GRM3: variants seen among roughly 807,000 people sequenced by gnomAD.
GRM3 encodes metabotropic glutamate receptor 3.
A neutral mutation model predicts 70.5 loss-of-function variants in GRM3; 26 were observed. The observed-to-expected ratio is 0.37, with a 90% CI of 0.27 to 0.51. The LOEUF (loss-of-function observed/expected upper bound fraction) is 0.51. GRM3 is among the 20% of genes least tolerant of loss of function. The probability of loss-of-function intolerance (pLI) is 0.93; values close to 1 mark genes in which losing one functional copy is unlikely to be tolerated. For synonymous variants in GRM3, 443 were observed against 434.9 expected (o/e 1.02, Z -0.23); for missense variants, 859 against 1,123.8 (o/e 0.76, Z 3.37).
intron 2 of GRM3, among the ~76,000 whole-genome samples, chr7:86,782,329 GTTT>G (rs61140551): frequency 1.4e-5 from 2 of 141,732 alleles, no homozygotes; most frequent in East Asian, 2.0e-4. Flanking sequence ...TTATGGGGTG[GTTT>G]TTTTTTTTTG....
chr7:86,850,664 A>G (rs1158595350), intron 5 of GRM3, 120 bp downstream of exon 5: 1 of 724,068 alleles, frequency 1.4e-6, no homozygotes, highest in South Asian at 1.7e-5. Flanking sequence ...TTTACTAAGT[A>G]TGGATTTAAA....
At chr7:86,824,827 C>CAGAT (rs34299581) in intron 3 of GRM3, among the ~76,000 whole-genome samples, 17,956 of 151,834 alleles carry the variant, frequency 0.12, 1,218 homozygotes, top group Middle Eastern at 0.17. Context: ...CATATATATA[C>CAGAT]AGATAGATAG....
chr7:86,755,175 G>A (rs540573443), intron 1 of GRM3, among the ~76,000 whole-genome samples: 1 of 151,778 alleles, frequency 6.6e-6, no homozygotes, highest in African/African-American at 2.4e-5. Flanking sequence ...GTTCCCGAAG[G>A]AAAACTGTGG....
At chr7:86,851,792 C>T (rs867306917) in intron 5 of GRM3, among the ~76,000 whole-genome samples, 3 of 152,104 alleles carry the variant, frequency 2.0e-5, no homozygotes, top group Non-Finnish European at 4.4e-5. Context: ...CATGGCAAAG[C>T]CTGTGAGGTC....
At chr7:86,813,170 C>G (rs1047029063) in intron 3 of GRM3, among the ~76,000 whole-genome samples, 1 of 151,620 alleles carries the variant, frequency 6.6e-6, no homozygotes, top group African/African-American at 2.4e-5. Flanking sequence ...TACCCATCAG[C>G]TAAATGCGCA....
chr7:86,839,288 T>A lies in GRM3; in HGVS notation c.1774T>A (p.Cys592Ser), dbSNP rs1798516507. 1 of 1,613,486 alleles carries A rather than the reference T, an allele frequency of 6.2e-7. No individual in the cohort carries two copies. The highest frequency in any genetic ancestry group is 1.1e-5 in the South Asian group (1 of 91,080). Residue 592 changes from cysteine to serine, a missense_variant, in exon 4 of 6, where the codon TGC becomes AGC. Transcript: ENST00000361669. This position sits in a 1 kb window ranked among gnomAD's most constrained non-coding sequence, Gnocchi z 4.5. Reference protein sequence around the residue: ...TIACLGFMCTCMVVTVFIKHN... With the variant: ...TIACLGFMCTSMVVTVFIKHN... ...TGCCTGTCTGGGTTTTATGTGTACA[T>A]GCATGGTTGTAACTGTTTTTATCAA...
intron 3 of GRM3, among the ~76,000 whole-genome samples, chr7:86,810,501 G>A (rs1418480357): frequency 6.6e-6 from 1 of 151,882 alleles, no homozygotes; most frequent in Non-Finnish European, 1.5e-5. Flanking sequence ...ATCTTATGTG[G>A]TTCCTCCAAA....
At chr7:86,771,754 G>A (rs1796747676) in intron 2 of GRM3, among the ~76,000 whole-genome samples, 1 of 152,030 alleles carries the variant, frequency 6.6e-6, no homozygotes, top group Non-Finnish European at 1.5e-5. Flanking sequence ...TAAGTACAGG[G>A]AGATCAGAAA....
chr7:86,674,900 C>T (rs771768437), intron 1 of GRM3, among the ~76,000 whole-genome samples: 7 of 151,988 alleles, frequency 4.6e-5, no homozygotes, highest in Non-Finnish European at 8.8e-5. Context: ...CTATTAAGTC[C>T]CAATGCATTT....
At chr7:86,808,745 GA>G (rs1215392903) in intron 3 of GRM3, among the ~76,000 whole-genome samples, 1 of 152,046 alleles carries the variant, frequency 6.6e-6, no homozygotes, top group Non-Finnish European at 1.5e-5. Flanking sequence ...AGAGGTGAGG[GA>G]GCAACCCATG....
chr7:86,711,404 A>C (rs1795197058), intron 1 of GRM3, among the ~76,000 whole-genome samples: 1 of 152,096 alleles, frequency 6.6e-6, no homozygotes, highest in Non-Finnish European at 1.5e-5. Context: ...AAATATTTCC[A>C]CAATATTATT....
intron 3 of GRM3, among the ~76,000 whole-genome samples, chr7:86,796,955 C>G (rs1424573866): frequency 2.6e-5 from 4 of 152,206 alleles, no homozygotes; most frequent in African/African-American, 7.2e-5. Context: ...TGAATGTTCT[C>G]TTGCCTGCTG....
intron 5 of GRM3, among the ~76,000 whole-genome samples, chr7:86,851,793 C>G (rs1279116682): frequency 4.6e-5 from 7 of 152,020 alleles, no homozygotes; most frequent in African/African-American, 1.7e-4. Context: ...ATGGCAAAGC[C>G]TGTGAGGTCG....
intron 1 of GRM3, among the ~76,000 whole-genome samples, chr7:86,735,492 G>A (rs1795837551): frequency 2.0e-5 from 3 of 152,090 alleles, no homozygotes; most frequent in Middle Eastern, 3.2e-3. Context: ...TTGCTAATAT[G>A]CATGCAAACA....
chr7:86,740,427 G>A (rs888481378), intron 1 of GRM3, among the ~76,000 whole-genome samples: 38 of 152,038 alleles, frequency 2.5e-4, no homozygotes, highest in Non-Finnish European at 4.9e-4. Context: ...CAAAAAAAAG[G>A]CAACCAAGTC....
At chr7:86,797,353 G>A (rs1797573515) in intron 3 of GRM3, among the ~76,000 whole-genome samples, 1 of 152,228 alleles carries the variant, frequency 6.6e-6, no homozygotes, top group African/African-American at 2.4e-5. Context: ...AGATGGAGAT[G>A]AGGAACTTGT....
chr7:86,740,595 AT>A (rs1452009430), intron 1 of GRM3, among the ~76,000 whole-genome samples: 2 of 152,208 alleles, frequency 1.3e-5, no homozygotes, highest in Non-Finnish European at 2.9e-5. Flanking sequence ...AACCAACTAA[AT>A]TTTTAAAAAT....
chr7:86,696,694 A>G (rs1794825260), intron 1 of GRM3, among the ~76,000 whole-genome samples: 1 of 151,260 alleles, frequency 6.6e-6, no homozygotes, highest in Admixed American at 6.6e-5. Flanking sequence ...CTGTAGTAAT[A>G]GTGGTGGTGG....
At position 86,688,733 on chromosome 7, in the gene GRM3, GAT is replaced by G. The variant is rs549722160; in HGVS notation, c.-141+43872_-141+43873del. Among the ~76,000 whole-genome samples, 1,162 of 145,674 alleles carry G rather than the reference GAT, an allele frequency of 8.0e-3. 20 individuals carry two copies. Among genetic ancestry groups the G allele is most frequent in the African/African-American group, 0.027 (1,074 of 39,810 alleles). The stretch of plus-strand genomic sequence containing the variant: ...TATGATATATATCTCTTACATATAT[GAT>G]ATATATATATCGTATATATATATCT... On this transcript the variant is annotated intron_variant, in intron 1 of 5. Transcript: ENST00000361669.
Sources: allele counts gnomAD v4.1 joint callset (sites outside exome capture counted in the v4.1 genomes callset), GRCh38; gene constraint gnomAD v4.1.1; non-coding constraint Gnocchi (gnomAD v3.1); transcripts MANE v1.5; gene names NCBI Gene and HGNC (gene_info 2026-07-23, HGNC 2026-07-21).